The following FOXK2 variants were observed in gnomAD, a reference collection of about 807,000 sequenced individuals.
FOXK2 encodes forkhead box K2.
Under a neutral mutation model 53.3 loss-of-function variants are expected in FOXK2, and 24 were observed. The observed-to-expected ratio is 0.45, with a 90% CI of 0.33 to 0.63. The LOEUF is 0.63. Among genes scored for constraint, FOXK2 ranks in the 30% least tolerant of loss-of-function variants. The pLI is 0.03. For missense variants in FOXK2, 952 were observed against 910.5 expected (o/e 1.05, Z -0.59); for synonymous variants, 505 against 407.1 (o/e 1.24, Z -2.89).
chr17:82,532,808 T>G (rs1312990299), intron 1 of FOXK2, among the ~76,000 whole-genome samples: 1 of 152,142 alleles, frequency 6.6e-6, no homozygotes, highest in African/African-American at 2.4e-5. Context: ...CCTGAGGTGA[T>G]CTGCCTGCTT....
intron 1 of FOXK2, among the ~76,000 whole-genome samples, chr17:82,523,415 A>G (rs192338369): frequency 2.4e-4 from 37 of 152,226 alleles, no homozygotes; most frequent in Non-Finnish European, 4.7e-4. Context: ...ACACAGGTTA[A>G]TGGAATAAAT....
chr17:82,566,670 G>C (rs11652501), intron 2 of FOXK2, among the ~76,000 whole-genome samples: 94,176 of 151,950 alleles, frequency 0.62, 29,525 homozygotes, highest in South Asian at 0.79. Context: ...GGGGAAGGGT[G>C]GGTCACAGCT....
rs763732479 is a variant in FOXK2, at chr17:82,520,168, G to A, written c.280G>A (p.Ala94Thr). The change falls in exon 1 of 9, where the codon GCC becomes ACC. Residue 94 changes from alanine to threonine, a missense_variant. Transcript: ENST00000335255. ...CCCGGGCGGCGGCGGCCATGGCGGG[G>A]CCGCTCCGGAGCTGCCGCCCGCGCA... ...TPPGGGGHGGAAPELPPAQPR... is the reference protein window; with the variant it reads ...TPPGGGGHGGTAPELPPAQPR... 1 of 1,496,660 alleles carries A rather than the reference G, an allele frequency of 6.7e-7. No individual in the cohort carries two copies. Among genetic ancestry groups the A allele is most frequent in the Non-Finnish European group, 8.9e-7 (1 of 1,122,354 alleles). 92.7% of individuals were successfully genotyped at this position (1,496,660 alleles called of 1,614,324 possible).
At chr17:82,597,337 G>A (rs1159026768) in intron 8 of FOXK2, among the ~76,000 whole-genome samples, 1 of 152,220 alleles carries the variant, frequency 6.6e-6, no homozygotes, top group African/African-American at 2.4e-5. Context: ...CAACTCGTGT[G>A]TGTGTTCCTT....
At chr17:82,561,468 C>T (rs141682036) in intron 1 of FOXK2, among the ~76,000 whole-genome samples, 306 of 152,010 alleles carry the variant, frequency 2.0e-3, no homozygotes, top group African/African-American at 3.7e-3. Context: ...GAACATCGGG[C>T]GGTAAAGAGA....
Position 82,587,413 on chromosome 17 carries a change from T to C in FOXK2, c.1786+141T>C, listed in dbSNP as rs768544599. On this transcript the variant is annotated intron_variant, in intron 8 of 8. Transcript: ENST00000335255. ...TTGCATTTCGAAGCTGCAGGAAATCTAGTCATGCTGGGGAAGTGGTCGTGG... is the reference window on the plus strand; with the variant it reads ...TTGCATTTCGAAGCTGCAGGAAATCCAGTCATGCTGGGGAAGTGGTCGTGG... 3.5e-5 allele frequency: 25 copies of C among 705,494 alleles called. No homozygotes were observed. The East Asian group carries it at 6.2e-4, about 18-fold the overall frequency. 43.7% of individuals were successfully genotyped at this position (705,494 alleles called of 1,614,324 possible).
At chr17:82,548,664 C>T (rs1363275765) in intron 1 of FOXK2, among the ~76,000 whole-genome samples, 1 of 152,110 alleles carries the variant, frequency 6.6e-6, no homozygotes, top group Non-Finnish European at 1.5e-5. Context: ...CAGTCAAAAG[C>T]ATTTGGAGGC....
intron 8 of FOXK2, among the ~76,000 whole-genome samples, chr17:82,595,126 G>C (rs11078001): frequency 0.43 from 64,861 of 152,092 alleles, 15,110 homozygotes; most frequent in Middle Eastern, 0.52. Flanking sequence ...TCTAACCATG[G>C]GGGCAACGTG....
chr17:82,598,429 C>T (rs2045342161), intron 8 of FOXK2, among the ~76,000 whole-genome samples: 2 of 152,202 alleles, frequency 1.3e-5, no homozygotes, highest in South Asian at 4.2e-4. Flanking sequence ...TCAACTTGAG[C>T]CCTGGTGAGG....
chr17:82,541,510 G>A (rs1294498034), intron 1 of FOXK2, among the ~76,000 whole-genome samples: 5 of 152,110 alleles, frequency 3.3e-5, no homozygotes, highest in Admixed American at 6.6e-5. Flanking sequence ...CTGACCTCCT[G>A]CCTCAGCCTC....
intron 1 of FOXK2, among the ~76,000 whole-genome samples, chr17:82,525,343 AC>A (rs2044407012): frequency 6.6e-6 from 1 of 151,892 alleles, no homozygotes; most frequent in Non-Finnish European, 1.5e-5. Flanking sequence ...TGCCTGGCTA[AC>A]TTTTTTTGCA....
At chr17:82,576,706 CT>C in intron 4 of FOXK2, 6 of 1,040,642 alleles carry the variant, frequency 5.8e-6, no homozygotes, top group South Asian at 1.5e-5. Flanking sequence ...CCTCGGCCTT[CT>C]TTTTCTGCTC....
At chr17:82,584,309 G>A (rs928969616) in intron 6 of FOXK2, 121 bp downstream of exon 6, 1 of 1,041,192 alleles carries the variant, frequency 9.6e-7, no homozygotes, top group Non-Finnish European at 1.3e-6. Context: ...CCTTATACTA[G>A]TACCTGATTT....
intron 1 of FOXK2, among the ~76,000 whole-genome samples, chr17:82,562,912 C>T (rs1344301039): frequency 6.6e-6 from 1 of 151,724 alleles, no homozygotes; most frequent in Non-Finnish European, 1.5e-5. Flanking sequence ...CTCAAGCAAT[C>T]CTCCTGCCTC....
intron 1 of FOXK2, among the ~76,000 whole-genome samples, chr17:82,551,764 A>G (rs1427446739): frequency 1.3e-5 from 2 of 152,214 alleles, no homozygotes; most frequent in African/African-American, 4.8e-5. Context: ...AGTGTGGGCT[A>G]TTTAGGGTTT....
rs1189924468 is a variant in FOXK2 at position 82,604,505 on chromosome 17, A to G, written c.*3006A>G. On this transcript the variant is annotated 3_prime_UTR_variant, in exon 9 of 9. Transcript: ENST00000335255. ...CAATCTTGAAGTCCTAACTTCCACT[A>G]TTCTAGAAAGTATAGTGGTGATTTG... is the stretch of plus-strand genomic sequence containing the variant. 6.6e-6 allele frequency: 1 copy of G among 152,612 alleles called. No homozygotes were observed. The highest frequency in any genetic ancestry group is 1.5e-5 in the Non-Finnish European group (1 of 68,034). The allele number at this position is 152,612 out of a possible 1,614,324, so 9.5% of individuals were successfully genotyped here.
intron 1 of FOXK2, among the ~76,000 whole-genome samples, chr17:82,556,319 C>T (rs2044724052): frequency 6.6e-6 from 1 of 152,064 alleles, no homozygotes; most frequent in Non-Finnish European, 1.5e-5. Context: ...TGGCGGGCGC[C>T]TGTAATCCCA....
chr17:82,582,991 T>C (rs1266636341), intron 5 of FOXK2, 57 bp downstream of exon 5: 1 of 1,275,292 alleles, frequency 7.8e-7, no homozygotes, highest in Non-Finnish European at 1.0e-6. Flanking sequence ...TTACCTTCAG[T>C]GTATTGGGAA....
chr17:82,585,844 G>C, intron 6 of FOXK2, 60 bp from the exon 7 acceptor site: 1 of 1,546,066 alleles, frequency 6.5e-7, no homozygotes, highest in Non-Finnish European at 8.8e-7. Flanking sequence ...CTGAGTGTGA[G>C]AACCTTTGTT....
Sources: gnomAD v4.1 joint callset for allele counts (sites outside exome capture counted in the v4.1 genomes callset) on GRCh38, gnomAD v4.1.1 for gene constraint, MANE v1.5 for transcripts, NCBI Gene and HGNC (gene_info 2026-07-23, HGNC 2026-07-21) for gene names.